The following VRK2 variants were observed in gnomAD, a reference collection of about 807,000 sequenced individuals.
VRK2 encodes VRK serine/threonine kinase 2.
A neutral mutation model predicts 57.6 loss-of-function variants in VRK2; 60 were observed. That is an observed-to-expected ratio of 1.04 (90% CI 0.85 to 1.29). The LOEUF (loss-of-function observed/expected upper bound fraction) is 1.29. Ranked by LOEUF, VRK2 falls within the 50% of genes most tolerant of loss-of-function variation. The pLI, the probability that VRK2 is intolerant of heterozygous loss-of-function variation, is 0.00. For missense variants in VRK2, 705 were observed against 588.1 expected, an observed-to-expected ratio of 1.20 and a Z score of -2.06; for synonymous variants, 231 against 199.2, an observed-to-expected ratio of 1.16 and a Z score of -1.35.
chr2:58,094,072 G>A (rs1450268462), intron 7 of VRK2, among the ~76,000 whole-genome samples: 1 of 152,184 alleles, frequency 6.6e-6, no homozygotes, highest in African/African-American at 2.4e-5. Flanking sequence ...CTGTAGCCTT[G>A]TAGTATAGTT....
intron 1 of VRK2, among the ~76,000 whole-genome samples, chr2:58,001,497 A>G (rs2103624284): frequency 6.6e-6 from 1 of 152,310 alleles, no homozygotes; most frequent in African/African-American, 2.4e-5. Flanking sequence ...CTGCATTTCT[A>G]CGGAAAATAA....
chr2:58,143,267 GGAAAA>G (rs1203504954), intron 11 of VRK2, among the ~76,000 whole-genome samples: 1 of 151,790 alleles, frequency 6.6e-6, no homozygotes, highest in Non-Finnish European at 1.5e-5. Flanking sequence ...AAGTTCCAAT[GGAAAA>G]TTAAATAAAA....
intron 1 of VRK2, among the ~76,000 whole-genome samples, chr2:58,008,572 C>T (rs1182376384): frequency 2.0e-5 from 3 of 151,000 alleles, no homozygotes; most frequent in Non-Finnish European, 4.4e-5. Context: ...AGGAAGGAAA[C>T]TAACAATCTA....
At chr2:57,943,585 C>T (rs1671165039) in intron 1 of VRK2, among the ~76,000 whole-genome samples, 1 of 152,126 alleles carries the variant, frequency 6.6e-6, no homozygotes, top group Non-Finnish European at 1.5e-5. Context: ...GTAAGATGGA[C>T]ATAAGACTGG....
At position 58,089,731 on chromosome 2, in the gene VRK2, C is replaced by A. The variant is rs1386502918; in HGVS notation, c.543+8C>A. The A allele has an allele frequency of 1.3e-6, 2 of 1,584,710 alleles. 1 individual carries two copies. The highest frequency in any genetic ancestry group is 2.3e-5 in the South Asian group (2 of 88,830). The stretch of plus-strand genomic sequence containing the variant: ...TACAAAAATCCAGACCAGGTAAATA[C>A]ATACTTTTGCTTTTAATAAAGGTCT... On this transcript the variant is annotated splice_region_variant and intron_variant, in intron 7 of 12. Coordinates refer to ENST00000340157, the MANE Select transcript of VRK2 (RefSeq NM_006296.7).
At chr2:57,968,592 T>C (rs1000030040) in intron 1 of VRK2, among the ~76,000 whole-genome samples, 2 of 152,126 alleles carry the variant, frequency 1.3e-5, no homozygotes, top group Non-Finnish European at 2.9e-5. Flanking sequence ...GCTGTTGTTA[T>C]TACGTGAATG....
intron 1 of VRK2, among the ~76,000 whole-genome samples, chr2:57,927,771 TTTC>T (rs1293177032): frequency 6.6e-6 from 1 of 152,186 alleles, no homozygotes; most frequent in East Asian, 1.9e-4. Context: ...AACGTCTTTA[TTTC>T]TTCTTTATAT....
intron 10 of VRK2, 87 bp from the exon 11 acceptor site, chr2:58,139,579 C>G: frequency 8.4e-7 from 1 of 1,191,804 alleles, no homozygotes; most frequent in East Asian, 2.4e-5. Context: ...GTGTAAAAGA[C>G]AAAGATAACA....
intron 1 of VRK2, among the ~76,000 whole-genome samples, chr2:57,925,915 G>A (rs1435047363): frequency 6.6e-6 from 1 of 151,194 alleles, no homozygotes; most frequent in East Asian, 1.9e-4. Flanking sequence ...CATAAATTTT[G>A]GTATGTTCTG....
rs182195058 is a variant in VRK2, at chr2:58,010,467, C to A, written c.-438-15198C>A. On this transcript the variant is annotated intron_variant, in intron 1 of 15. Coordinates refer to the VRK2 transcript ENST00000417641. The stretch of plus-strand genomic sequence containing the variant: ...TAATATCAAGGGTTAGTGTCCCCTA[C>A]TCACCCTTGGCTAGTTTACGTACTG... Among the ~76,000 whole-genome samples, 63 of 152,172 alleles carry A rather than the reference C, an allele frequency of 4.1e-4. 1 individual carries two copies. In the South Asian group the frequency reaches 8.3e-3, roughly 20 times the overall value.
intron 2 of VRK2, among the ~76,000 whole-genome samples, chr2:58,054,655 A>C (rs1676250818): frequency 6.6e-6 from 1 of 152,180 alleles, no homozygotes; most frequent in Non-Finnish European, 1.5e-5. Context: ...AAATTAAGAA[A>C]CTTTAAAGCT....
intron 1 of VRK2, among the ~76,000 whole-genome samples, chr2:57,948,606 T>TA (rs901442126): frequency 1.2e-4 from 18 of 150,058 alleles, no homozygotes; most frequent in South Asian, 4.2e-4. Flanking sequence ...TAAGTGCTGG[T>TA]AAAAAAAAAA....
chr2:58,038,753 C>T (rs1162046137), intron 3 of VRK2, among the ~76,000 whole-genome samples: 1 of 152,014 alleles, frequency 6.6e-6, no homozygotes, highest in Non-Finnish European at 1.5e-5. Context: ...TTCTGTGAGA[C>T]CCTATGCACA....
chr2:58,042,744 T>C, upstream of VRK2, among the ~76,000 whole-genome samples: 1 of 152,234 alleles, frequency 6.6e-6, no homozygotes, highest in South Asian at 2.1e-4. Flanking sequence ...TGCGTGTATT[T>C]GTGGTGAATC....
intron 2 of VRK2, among the ~76,000 whole-genome samples, chr2:58,057,025 CAT>C (rs1286176388): frequency 6.6e-6 from 1 of 152,142 alleles, no homozygotes; most frequent in Non-Finnish European, 1.5e-5. Context: ...ATGCTCACCT[CAT>C]TATTTCAGAC....
chr2:58,016,261 A>C (rs1343387938), intron 1 of VRK2, among the ~76,000 whole-genome samples: 3 of 151,638 alleles, frequency 2.0e-5, no homozygotes, highest in Non-Finnish European at 4.4e-5. Context: ...TAAGTGTTCA[A>C]AAACTATTAA....
chr2:57,972,433 G>A (rs912453260), intron 1 of VRK2, among the ~76,000 whole-genome samples: 2 of 151,646 alleles, frequency 1.3e-5, no homozygotes, highest in Admixed American at 6.6e-5. Flanking sequence ...ACAGTTACAC[G>A]ATAATACCAC....
chr2:58,116,536 C>T (rs572419058), intron 7 of VRK2, among the ~76,000 whole-genome samples: 11 of 152,158 alleles, frequency 7.2e-5, no homozygotes, highest in Admixed American at 2.6e-4. Flanking sequence ...GCAAGGGAAA[C>T]AGGCCCTTGA....
rs1395199335 is a variant in VRK2 at position 58,080,660 on chromosome 2, A to G, written c.137-3429A>G. 4.6e-5 allele frequency among the ~76,000 whole-genome samples: 7 copies of G among 151,762 alleles called. No homozygotes were observed. In the South Asian group the frequency reaches 1.0e-3, roughly 23 times the overall value. On this transcript the variant is annotated intron_variant, in intron 2 of 12. Coordinates refer to ENST00000340157, the MANE Select transcript of VRK2 (RefSeq NM_006296.7). ...CTGAGATTTATTTGGTTTTGAAAATATTTGTTCTAGTCTTTTAAAGTTAGT... is the reference window on the plus strand; with the variant it reads ...CTGAGATTTATTTGGTTTTGAAAATGTTTGTTCTAGTCTTTTAAAGTTAGT...
Sources: gnomAD v4.1 joint callset for allele counts (sites outside exome capture counted in the v4.1 genomes callset) on GRCh38, gnomAD v4.1.1 for gene constraint, MANE v1.5 for transcripts, NCBI Gene and HGNC (gene_info 2026-07-23, HGNC 2026-07-21) for gene names.